The following BCAS4 variants were observed in gnomAD, a reference collection of about 807,000 sequenced individuals.
BCAS4 encodes the protein breast carcinoma amplified sequence 4, also known as breast carcinoma-amplified sequence 4.
Under a neutral mutation model 15.7 loss-of-function variants are expected in BCAS4, and 9 were observed. The observed-to-expected ratio is 0.57, with a 90% confidence interval of 0.34 to 1.00. The LOEUF (loss-of-function observed/expected upper bound fraction) is 1.00, where lower values mean the gene tolerates loss of function less well. BCAS4 is among the 50% of genes least tolerant of loss of function. The pLI, the probability that BCAS4 is intolerant of heterozygous loss-of-function variation, is 0.02. For missense variants in BCAS4, 225 were observed against 239.1 expected (o/e 0.94, Z 0.39); for synonymous variants, 101 against 99.5 (o/e 1.02, Z -0.09).
intron 2 of BCAS4, among the ~76,000 whole-genome samples, chr20:50,823,007 G>A (rs1408215283): frequency 4.6e-5 from 7 of 152,060 alleles, no homozygotes; most frequent in Admixed American, 4.6e-4. Flanking sequence ...ATGAAAACAA[G>A]TGCCCAAACC....
intron 4 of BCAS4, among the ~76,000 whole-genome samples, chr20:50,867,712 G>A (rs6020807): frequency 6.1e-4 from 93 of 152,270 alleles, no homozygotes; most frequent in African/African-American, 2.1e-3. Context: ...TCAGGAGTTC[G>A]AGATCAGCCT....
chr20:50,834,158 C>T (rs995136989), intron 3 of BCAS4, among the ~76,000 whole-genome samples: 2 of 152,120 alleles, frequency 1.3e-5, no homozygotes, highest in African/African-American at 4.8e-5. Flanking sequence ...AGAGGGATTG[C>T]AGCTGCTGTA....
intron 1 of BCAS4, among the ~76,000 whole-genome samples, chr20:50,807,986 C>T (rs1229053902): frequency 1.3e-5 from 2 of 150,622 alleles, no homozygotes; most frequent in Non-Finnish European, 2.9e-5. Flanking sequence ...CGGCTCACTG[C>T]AGGCTCCGCC....
At chr20:50,831,769 G>A (rs959980548) in intron 3 of BCAS4, among the ~76,000 whole-genome samples, 13 of 152,046 alleles carry the variant, frequency 8.6e-5, no homozygotes, top group African/African-American at 2.9e-4. Context: ...CACAGCAGAG[G>A]ACCCGGAGGC....
At position 50,876,915 on chromosome 20, in the gene BCAS4, G is replaced by A. The variant is rs1317704402; in HGVS notation, c.*307G>A. On this transcript the variant is annotated 3_prime_UTR_variant, in exon 5 of 5. Coordinates refer to ENST00000371608, the MANE Select transcript of BCAS4 (RefSeq NM_198799.4). ...GTTTGGAGAAGCAGTTGGAACCCAC[G>A]TGTGGTGATGCCTCCCACATCGGCC... The A allele has an allele frequency of 1.4e-5, 3 of 211,146 alleles. No individual in the cohort carries two copies. The highest frequency in any genetic ancestry group is 2.3e-5 in the African/African-American group (1 of 42,834). The allele number at this position is 211,146 out of a possible 1,614,324, so 13.1% of individuals were successfully genotyped here.
chr20:50,881,453 G>A (rs1980115536), downstream of BCAS4: 1 of 152,078 alleles, frequency 6.6e-6, no homozygotes, highest in Non-Finnish European at 1.5e-5. Flanking sequence ...TGCATCTCAT[G>A]CTACAAAGGG....
intron 3 of BCAS4, among the ~76,000 whole-genome samples, chr20:50,841,381 A>T (rs2088479329): frequency 6.6e-6 from 1 of 152,096 alleles, no homozygotes; most frequent in Admixed American, 6.5e-5. Flanking sequence ...CTATAAAATC[A>T]ACTTTTAACA....
intron 4 of BCAS4, among the ~76,000 whole-genome samples, chr20:50,842,424 T>G (rs976079563): frequency 2.0e-5 from 3 of 152,202 alleles, no homozygotes; most frequent in Admixed American, 6.5e-5. Flanking sequence ...GTGTCCTTTT[T>G]GTCTTGTTTT....
intron 1 of BCAS4, among the ~76,000 whole-genome samples, chr20:50,807,382 T>C (rs746932426): frequency 6.6e-6 from 1 of 151,796 alleles, no homozygotes; most frequent in South Asian, 2.1e-4. Flanking sequence ...TTTGTAGAGA[T>C]GGGGTTTCAC....
At chr20:50,855,085 G>C (rs996093346) in intron 4 of BCAS4, among the ~76,000 whole-genome samples, 5 of 152,202 alleles carry the variant, frequency 3.3e-5, no homozygotes, top group African/African-American at 1.2e-4. Context: ...CCCGCCAGGG[G>C]TGTCTTGGGT....
At chr20:50,829,211 T>TC (rs1196422168) in intron 2 of BCAS4, among the ~76,000 whole-genome samples, 2 of 152,148 alleles carry the variant, frequency 1.3e-5, no homozygotes, top group Admixed American at 6.6e-5. Context: ...TTGAAAGGCT[T>TC]CCCCCAGGAG....
chr20:50,879,252 C>T (rs781705244), downstream of BCAS4: 2 of 152,374 alleles, frequency 1.3e-5, no homozygotes, highest in African/African-American at 2.4e-5. Context: ...TGAGGTGGCT[C>T]ACGCCTGTAA....
chr20:50,819,017 T>C (rs1314082953), intron 2 of BCAS4, among the ~76,000 whole-genome samples: 1 of 152,074 alleles, frequency 6.6e-6, no homozygotes, highest in Non-Finnish European at 1.5e-5. Flanking sequence ...ACCCTGCCTC[T>C]ACCAAAAATA....
At chr20:50,819,116 G>A (rs1301785130) in intron 2 of BCAS4, among the ~76,000 whole-genome samples, 1 of 152,118 alleles carries the variant, frequency 6.6e-6, no homozygotes, top group Non-Finnish European at 1.5e-5. Flanking sequence ...CCGGAAGGTG[G>A]AGGTTGCAGT....
intron 4 of BCAS4, among the ~76,000 whole-genome samples, chr20:50,858,495 G>A (rs980401054): frequency 1.4e-4 from 22 of 152,112 alleles, no homozygotes; most frequent in Non-Finnish European, 3.1e-4. Context: ...TCAGCTACTT[G>A]GGAGGGTGAG....
chr20:50,866,435 T>C (rs1413196621), intron 4 of BCAS4, among the ~76,000 whole-genome samples: 1 of 152,228 alleles, frequency 6.6e-6, no homozygotes, highest in East Asian at 1.9e-4. Flanking sequence ...TCGTGGCTGA[T>C]GGGGCAGCTC....
intron 4 of BCAS4, chr20:50,876,064 C>A: frequency 4.4e-6 from 2 of 455,256 alleles, no homozygotes; most frequent in Non-Finnish European, 8.8e-6. Flanking sequence ...GATTCTCCTG[C>A]CTCCGCCTCC....
chr20:50,813,901 T>C (rs1484683037), intron 1 of BCAS4, among the ~76,000 whole-genome samples: 1 of 151,620 alleles, frequency 6.6e-6, no homozygotes, highest in Non-Finnish European at 1.5e-5. Context: ...AAAGTGAGCC[T>C]CTCGCCTCCT....
At chr20:50,844,571 T>A (rs1198445335) in intron 4 of BCAS4, among the ~76,000 whole-genome samples, 2 of 152,218 alleles carry the variant, frequency 1.3e-5, no homozygotes, top group Non-Finnish European at 2.9e-5. Context: ...AATACACTTC[T>A]TGCAGTCTGC....
Sources: gnomAD v4.1 joint callset for allele counts (sites outside exome capture counted in the v4.1 genomes callset) on GRCh38, gnomAD v4.1.1 for gene constraint, MANE v1.5 for transcripts, NCBI Gene and HGNC (gene_info 2026-07-23, HGNC 2026-07-21) for gene names.